The following LMX1B variants were observed in gnomAD, a reference collection of about 807,000 sequenced individuals.
The protein encoded by LMX1B is LIM homeobox transcription factor 1-beta.
Under a neutral mutation model 51.4 loss-of-function variants are expected in LMX1B, and 12 were observed. That is an observed-to-expected ratio of 0.23 (90% confidence interval 0.15 to 0.38). The LOEUF is 0.38. LMX1B is among the 10% of genes least tolerant of loss of function. The pLI is 1.00. For synonymous variants in LMX1B, 237 were observed against 235.4 expected (o/e 1.01, Z -0.06); for missense variants, 445 against 571.1 (o/e 0.78, Z 2.25).
At chr9:126,636,256 A>G (rs1835711479) in intron 2 of LMX1B, among the ~76,000 whole-genome samples, 1 of 152,152 alleles carries the variant, frequency 6.6e-6, no homozygotes, top group African/African-American at 2.4e-5. Context: ...TGGAGAGAAC[A>G]CAGGGCATTG....
rs764254693 is a variant in LMX1B, at chr9:126,615,530, T to G, written c.287T>G (p.Phe96Cys). Reference protein sequence around the residue: ...CQQALTTSCYFRDRKLYCKQD... With the variant: ...CQQALTTSCYCRDRKLYCKQD... ...CAAGCCCTCACCACCAGCTGCTACT[T>G]CCGGGATCGGAAACTGTACTGCAAA... The change falls in exon 2 of 8, where the codon TTC becomes TGC. Residue 96 changes from phenylalanine to cysteine, a missense_variant. Phe to Cys is a radical substitution (Grantham distance 205, BLOSUM62 -2). Transcript: ENST00000373474. This position sits in a 1 kb window ranked among gnomAD's most constrained non-coding sequence, Gnocchi z 6.0. The G allele has an allele frequency of 6.2e-7, 1 of 1,611,324 alleles. No homozygotes were observed. The highest frequency in any genetic ancestry group is 1.3e-5 in the African/African-American group (1 of 74,766).
intron 2 of LMX1B, among the ~76,000 whole-genome samples, chr9:126,672,276 C>T (rs1035286221): frequency 5.3e-5 from 8 of 152,210 alleles, no homozygotes; most frequent in Non-Finnish European, 1.0e-4. Flanking sequence ...GAGCCAGTGT[C>T]TGGTAGCTCC....
At chr9:126,640,068 T>C (rs1425289636) in intron 2 of LMX1B, among the ~76,000 whole-genome samples, 1 of 152,234 alleles carries the variant, frequency 6.6e-6, no homozygotes, top group East Asian at 1.9e-4. Context: ...GCCCAGATTT[T>C]AGAGCCCAAT....
chr9:126,675,148 C>T (rs1266261969), intron 2 of LMX1B, among the ~76,000 whole-genome samples: 1 of 151,182 alleles, frequency 6.6e-6, no homozygotes, highest in Non-Finnish European at 1.5e-5. Context: ...AAATCCCAAT[C>T]AGTCCTCATT....
chr9:126,695,701 T>C lies in LMX1B; in HGVS notation c.887-138T>C. The C allele has an allele frequency of 3.3e-6, 3 of 904,674 alleles. No individual in the cohort carries two copies. The highest frequency in any genetic ancestry group is 5.2e-6 in the Non-Finnish European group (3 of 577,542). 56.0% of individuals were successfully genotyped at this position (904,674 alleles called of 1,614,324 possible). Reference sequence around the variant, plus strand: ...TGGAGTGTGCACCTGGGGAAGGGGCTGGGGAGTCAGTGTCTGGACAGCTTC... The same window carrying C: ...TGGAGTGTGCACCTGGGGAAGGGGCCGGGGAGTCAGTGTCTGGACAGCTTC... On this transcript the variant is annotated intron_variant, in intron 6 of 7. Coordinates refer to ENST00000373474, the MANE Select transcript of LMX1B (RefSeq NM_001174147.2). The surrounding 1 kb of genome is among the most constrained non-coding windows in gnomAD (Gnocchi z 5.2).
chr9:126,680,426 G>T (rs931342760), intron 2 of LMX1B, among the ~76,000 whole-genome samples: 1 of 152,184 alleles, frequency 6.6e-6, no homozygotes, highest in African/African-American at 2.4e-5. Flanking sequence ...TGCCTACCTC[G>T]CAGGGGTCTT....
rs368419797 is a variant in LMX1B, at chr9:126,618,174, G to A, written c.326+2605G>A. Among the ~76,000 whole-genome samples, 2 of 152,280 alleles carry A rather than the reference G, an allele frequency of 1.3e-5. No homozygotes were observed. The highest frequency in any genetic ancestry group is 1.9e-4 in the East Asian group (1 of 5,188). On this transcript the variant is annotated intron_variant, in intron 2 of 7. Transcript: ENST00000373474. The surrounding 1 kb of genome is among the most constrained non-coding windows in gnomAD (Gnocchi z 4.5). The stretch of plus-strand genomic sequence containing the variant: ...CTTCTTGATATTGTCGAGTCTGTGC[G>A]TCAGCGGTATTGAGAAATTAACAAT...
At chr9:126,616,123 C>A (rs1390999133) in intron 2 of LMX1B, among the ~76,000 whole-genome samples, 1 of 152,198 alleles carries the variant, frequency 6.6e-6, no homozygotes, top group Non-Finnish European at 1.5e-5. Flanking sequence ...ATTCCCCAAA[C>A]CGTTCCATGC....
chr9:126,680,080 C>T lies in LMX1B; in HGVS notation c.327-10756C>T, dbSNP rs7871648. On this transcript the variant is annotated intron_variant, in intron 2 of 7. Coordinates refer to ENST00000373474, the MANE Select transcript of LMX1B (RefSeq NM_001174147.2). ...CCAAAGGCCTCTGCCTCCCGTGGCC[C>T]GGGGTTTCTCACCTTCCACGTGCGT... Among the ~76,000 whole-genome samples, 262 of 152,322 alleles carry T rather than the reference C, an allele frequency of 1.7e-3. 2 individuals are homozygous for T. Among genetic ancestry groups the T allele is most frequent in the Middle Eastern group, 6.8e-3 (2 of 292 alleles).
chr9:126,693,409 G>A (rs2030211250), intron 4 of LMX1B, 86 bp downstream of exon 4: 3 of 1,545,308 alleles, frequency 1.9e-6, no homozygotes, highest in Admixed American at 3.4e-5. Flanking sequence ...CCTGCTGGGG[G>A]TAGGGACATC....
chr9:126,632,938 C>A (rs1031501587), intron 2 of LMX1B, among the ~76,000 whole-genome samples: 1 of 152,248 alleles, frequency 6.6e-6, no homozygotes, highest in Non-Finnish European at 1.5e-5. Context: ...TCTGCCCCTG[C>A]CTTTTCATTC....
chr9:126,685,878 T>C (rs1307400153), intron 2 of LMX1B, among the ~76,000 whole-genome samples: 2 of 152,076 alleles, frequency 1.3e-5, no homozygotes, highest in African/African-American at 4.8e-5. Flanking sequence ...AGAAGGGACT[T>C]GTGCAAGATT....
intron 2 of LMX1B, among the ~76,000 whole-genome samples, chr9:126,627,992 G>T (rs1181229504): frequency 6.6e-6 from 1 of 152,172 alleles, no homozygotes; most frequent in East Asian, 1.9e-4. Flanking sequence ...TCTTTAAGAA[G>T]GGGTGACAGG....
intron 2 of LMX1B, among the ~76,000 whole-genome samples, chr9:126,642,895 C>T (rs1374035438): frequency 1.3e-5 from 2 of 152,170 alleles, no homozygotes; most frequent in Non-Finnish European, 2.9e-5. Flanking sequence ...ATCTGCAGCC[C>T]GGGAAATCGG....
chr9:126,643,204 C>A (rs1037886286), intron 2 of LMX1B, among the ~76,000 whole-genome samples: 4 of 152,128 alleles, frequency 2.6e-5, no homozygotes, highest in African/African-American at 9.7e-5. Flanking sequence ...TGGATCAGCT[C>A]TCAGTAACCT....
rs1835350426 is a variant in LMX1B, at chr9:126,618,737, C to A, written c.326+3168C>A. On this transcript the variant is annotated intron_variant, in intron 2 of 7. Coordinates refer to ENST00000373474, the MANE Select transcript of LMX1B (RefSeq NM_001174147.2). This position sits in a 1 kb window ranked among gnomAD's most constrained non-coding sequence, Gnocchi z 4.5. ...CTCTCTTTTCTTGCCGTCTGTCGCTCGTCTGGAAAGGGTTTTTATCCTGAA... is the reference window on the plus strand; with the variant it reads ...CTCTCTTTTCTTGCCGTCTGTCGCTAGTCTGGAAAGGGTTTTTATCCTGAA... Among the ~76,000 whole-genome samples the A allele has an allele frequency of 6.6e-6, 1 of 152,154 alleles. No homozygotes were observed. Among genetic ancestry groups the A allele is most frequent in the Non-Finnish European group, 1.5e-5 (1 of 68,030 alleles).
At chr9:126,686,986 G>C (rs1471480139) in intron 2 of LMX1B, among the ~76,000 whole-genome samples, 1 of 152,186 alleles carries the variant, frequency 6.6e-6, no homozygotes, top group Non-Finnish European at 1.5e-5. Flanking sequence ...ACCCGGGGTG[G>C]TGGTGAGAAG....
intron 2 of LMX1B, among the ~76,000 whole-genome samples, chr9:126,683,927 A>G (rs1277877489): frequency 6.6e-6 from 1 of 152,108 alleles, no homozygotes; most frequent in Non-Finnish European, 1.5e-5. Flanking sequence ...GTCCCCAGAT[A>G]GACTCTTGGT....
Position 126,696,016 on chromosome 9 carries a change from A to ACGGGGGCCC in LMX1B, c.1051+14_1051+15insGGGGGCCCC. 1.3e-6 allele frequency: 2 copies of ACGGGGGCCC among 1,512,702 alleles called. No homozygotes were observed. Among genetic ancestry groups the ACGGGGGCCC allele is most frequent in the Non-Finnish European group, 1.8e-6 (2 of 1,131,796 alleles). 93.7% of individuals were successfully genotyped at this position (1,512,702 alleles called of 1,614,324 possible). On this transcript the variant is annotated intron_variant, in intron 7 of 7. Transcript: ENST00000373474. ...ATGAACCCCTATGGTAAGCCGCCCTACCCCCACCCGCCCGCCCCAGCACAG... is the reference window on the plus strand; with the variant it reads ...ATGAACCCCTATGGTAAGCCGCCCTACGGGGGCCCCCCCCACCCGCCCGCCCCAGCACAG...
Sources: gnomAD v4.1 joint callset for allele counts (sites outside exome capture counted in the v4.1 genomes callset) on GRCh38, gnomAD v4.1.1 for gene constraint, Gnocchi (gnomAD v3.1) non-coding constraint, MANE v1.5 for transcripts, NCBI Gene and HGNC (gene_info 2026-07-23, HGNC 2026-07-21) for gene names.